The following LHFPL6 variants were observed in gnomAD, a reference collection of about 807,000 sequenced individuals.
LHFPL6 encodes LHFPL tetraspan subfamily member 6, also known as LHFPL tetraspan subfamily member 6 protein.
Under a neutral mutation model 20.6 loss-of-function variants are expected in LHFPL6, and 9 were observed. That is an observed-to-expected ratio of 0.44 (90% CI 0.26 to 0.76). LHFPL6 has a LOEUF of 0.76. Among genes scored for constraint, LHFPL6 ranks in the 30% least tolerant of loss-of-function variants. The pLI is 0.20. For synonymous variants in LHFPL6, 105 were observed against 98.7 expected (o/e 1.06, Z -0.38); for missense variants, 218 against 253.5 (o/e 0.86, Z 0.95).
chr13:39,358,396 C>G (rs1231087084), intron 3 of LHFPL6, among the ~76,000 whole-genome samples: 2 of 152,020 alleles, frequency 1.3e-5, no homozygotes, highest in Non-Finnish European at 2.9e-5. Context: ...AAAATTAACT[C>G]GAGAGATTAA....
chr13:39,365,758 G>C (rs570581694), intron 3 of LHFPL6, among the ~76,000 whole-genome samples: 1 of 152,156 alleles, frequency 6.6e-6, no homozygotes, highest in Non-Finnish European at 1.5e-5. Context: ...TAAACTGCTA[G>C]GGAAAATGCA....
chr13:39,468,399 G>A (rs961371321), intron 2 of LHFPL6, among the ~76,000 whole-genome samples: 1 of 152,112 alleles, frequency 6.6e-6, no homozygotes, highest in Admixed American at 6.5e-5. Context: ...AATAAGCTGG[G>A]TGTGGGCAGC....
At chr13:39,449,335 T>C (rs1267174641) in intron 2 of LHFPL6, among the ~76,000 whole-genome samples, 1 of 152,240 alleles carries the variant, frequency 6.6e-6, no homozygotes, top group African/African-American at 2.4e-5. Flanking sequence ...TATTTACTTA[T>C]ACGGTTATAA....
chr13:39,472,889 G>T (rs935105701), intron 2 of LHFPL6, among the ~76,000 whole-genome samples: 2 of 152,188 alleles, frequency 1.3e-5, no homozygotes, highest in Non-Finnish European at 2.9e-5. Context: ...GGGATTACAG[G>T]CGTGAGCCAC....
chr13:39,512,749 C>T (rs1869766956), intron 2 of LHFPL6, among the ~76,000 whole-genome samples: 1 of 152,158 alleles, frequency 6.6e-6, no homozygotes, highest in South Asian at 2.1e-4. Context: ...GACAATTCTT[C>T]AATTCTAAAA....
intron 2 of LHFPL6, among the ~76,000 whole-genome samples, chr13:39,593,630 G>T (rs890158379): frequency 6.6e-6 from 1 of 151,984 alleles, no homozygotes; most frequent in Non-Finnish European, 1.5e-5. Context: ...AGTTCATATG[G>T]AACCAAAAAA....
intron 2 of LHFPL6, among the ~76,000 whole-genome samples, chr13:39,385,972 C>T (rs1354952722): frequency 1.3e-5 from 2 of 151,984 alleles, no homozygotes; most frequent in African/African-American, 4.8e-5. Context: ...TGACTTTTTC[C>T]ACCCTTGGCC....
intron 2 of LHFPL6, among the ~76,000 whole-genome samples, chr13:39,388,742 C>A (rs1008702330): frequency 6.6e-6 from 1 of 152,100 alleles, no homozygotes; most frequent in African/African-American, 2.4e-5. Context: ...ACTGGAATTG[C>A]AGGGCAGATG....
chr13:39,388,207 G>A (rs1442060983), intron 2 of LHFPL6, among the ~76,000 whole-genome samples: 4 of 152,100 alleles, frequency 2.6e-5, no homozygotes, highest in South Asian at 2.1e-4. Context: ...AGTATACTTC[G>A]GGTTTCCTTA....
intron 2 of LHFPL6, among the ~76,000 whole-genome samples, chr13:39,599,650 T>C (rs1451895831): frequency 6.6e-6 from 1 of 152,218 alleles, no homozygotes; most frequent in Non-Finnish European, 1.5e-5. Flanking sequence ...AAAACAAAAC[T>C]TTCTATCTCA....
At chr13:39,374,427 A>T (rs1422709745) in intron 3 of LHFPL6, among the ~76,000 whole-genome samples, 4 of 152,152 alleles carry the variant, frequency 2.6e-5, no homozygotes, top group Non-Finnish European at 5.9e-5. Flanking sequence ...ACTCTTGGGC[A>T]TTATGCTCAT....
chr13:39,560,628 C>T (rs1017875578), intron 2 of LHFPL6, among the ~76,000 whole-genome samples: 25 of 151,616 alleles, frequency 1.6e-4, no homozygotes, highest in Non-Finnish European at 2.4e-4. Flanking sequence ...CATTCTCCTA[C>T]CTCAGCCTCC....
rs1248941822 is a variant in LHFPL6, at chr13:39,419,208, G to A, written c.386-40682C>T. 2.0e-5 allele frequency among the ~76,000 whole-genome samples: 3 copies of A among 152,068 alleles called. No homozygotes were observed. The East Asian group carries it at 5.8e-4, about 29-fold the overall frequency. ...TGACCCCAATCTTGCTTATGAAAGAGAACACTTTTAGATGTGAAAAAAATG... is the reference window on the plus strand; with the variant it reads ...TGACCCCAATCTTGCTTATGAAAGAAAACACTTTTAGATGTGAAAAAAATG... On this transcript the variant is annotated intron_variant, in intron 2 of 3. Transcript: ENST00000379589.
intron 2 of LHFPL6, among the ~76,000 whole-genome samples, chr13:39,436,563 C>T (rs532565416): frequency 6.0e-4 from 92 of 152,270 alleles, no homozygotes; most frequent in Admixed American, 1.3e-3. Flanking sequence ...CTCCATAGCC[C>T]CTGTCCCGTC....
intron 2 of LHFPL6, among the ~76,000 whole-genome samples, chr13:39,582,059 T>G (rs1221572766): frequency 6.6e-6 from 1 of 152,212 alleles, no homozygotes; most frequent in African/African-American, 2.4e-5. Context: ...GCCTTCCACC[T>G]TAAAGTCCCT....
chr13:39,398,311 T>C (rs1250394728), intron 2 of LHFPL6, among the ~76,000 whole-genome samples: 1 of 152,230 alleles, frequency 6.6e-6, no homozygotes, highest in East Asian at 1.9e-4. Context: ...TAAGAAAGAA[T>C]AGTAAATTTC....
At chr13:39,538,670 T>C (rs986646324) in intron 2 of LHFPL6, among the ~76,000 whole-genome samples, 5 of 151,922 alleles carry the variant, frequency 3.3e-5, no homozygotes, top group African/African-American at 1.2e-4. Context: ...GAGAAACCAG[T>C]TGTAAATAAT....
In LHFPL6 at chr13:39,498,878, T is replaced by C. The variant is rs1869184570; in HGVS notation, c.385+101954A>G. On this transcript the variant is annotated intron_variant, in intron 2 of 3. Coordinates refer to ENST00000379589, the MANE Select transcript of LHFPL6 (RefSeq NM_005780.3). Reference sequence around the variant, plus strand: ...CCAAACTTCTTTTTCTTTTCTTTTGTGAGACAAAGCCTTGCTCTGCCATCC... The same window carrying C: ...CCAAACTTCTTTTTCTTTTCTTTTGCGAGACAAAGCCTTGCTCTGCCATCC... 2.6e-5 allele frequency among the ~76,000 whole-genome samples: 4 copies of C among 152,298 alleles called. No individual in the cohort carries two copies. In the South Asian group the frequency reaches 8.3e-4, roughly 32 times the overall value.
chr13:39,360,255 G>A (rs893877072), intron 3 of LHFPL6, among the ~76,000 whole-genome samples: 2 of 97,442 alleles, frequency 2.1e-5, no homozygotes, highest in African/African-American at 3.0e-5. Context: ...TCCTGACCTC[G>A]TGATCCGCCT....
Sources: gnomAD v4.1 joint callset for allele counts (sites outside exome capture counted in the v4.1 genomes callset) on GRCh38, gnomAD v4.1.1 for gene constraint, MANE v1.5 for transcripts, NCBI Gene and HGNC (gene_info 2026-07-23, HGNC 2026-07-21) for gene names.